APCDD1L: variants seen among roughly 807,000 people sequenced by gnomAD.
APCDD1L encodes the protein APC down-regulated 1 like.
In APCDD1L, 21 loss-of-function variants were observed where a neutral mutation model predicts 24.2. That is an observed-to-expected ratio of 0.87 (90% CI 0.61 to 1.25). The LOEUF is 1.25. APCDD1L is among the 50% of genes most tolerant of loss of function. The pLI, the probability that APCDD1L is intolerant of heterozygous loss-of-function variation, is 0.00. For missense variants in APCDD1L, 704 were observed against 711.7 expected (o/e 0.99, Z 0.12); for synonymous variants, 321 against 323.6 (o/e 0.99, Z 0.09).
chr20:58,513,453 C>T (rs75511803), intron 1 of APCDD1L, among the ~76,000 whole-genome samples: 100 of 152,190 alleles, frequency 6.6e-4, no homozygotes, highest in African/African-American at 2.3e-3. Flanking sequence ...CTTCAAACTG[C>T]GGAGGCACCC....
At chr20:58,493,011 C>A (rs535045344) in intron 1 of APCDD1L, among the ~76,000 whole-genome samples, 7 of 150,612 alleles carry the variant, frequency 4.6e-5, no homozygotes, top group Admixed American at 4.0e-4. Context: ...CATGCATACA[C>A]GTGCACTCAC....
At chr20:58,475,337 G>C (rs1989885911) in intron 1 of APCDD1L, among the ~76,000 whole-genome samples, 1 of 152,276 alleles carries the variant, frequency 6.6e-6, no homozygotes, top group South Asian at 2.1e-4. Flanking sequence ...GGCGCGAAGC[G>C]AGCACTTCGT....
chr20:58,489,650 C>T (rs1990187236), intron 1 of APCDD1L, among the ~76,000 whole-genome samples: 1 of 151,212 alleles, frequency 6.6e-6, no homozygotes, highest in Non-Finnish European at 1.5e-5. Context: ...CGCCACTGCA[C>T]TCCAGCCTGG....
chr20:58,473,520 C>T (rs968156875), intron 1 of APCDD1L, among the ~76,000 whole-genome samples: 13 of 152,174 alleles, frequency 8.5e-5, no homozygotes, highest in African/African-American at 1.9e-4. Context: ...GTTGCAAAAA[C>T]GAAATTAACC....
Position 58,494,224 on chromosome 20 carries a change from G to A in APCDD1L, c.49+20435C>T, listed in dbSNP as rs1417822069. On this transcript the variant is annotated intron_variant, in intron 1 of 3. Coordinates refer to ENST00000371149, the MANE Select transcript of APCDD1L (RefSeq NM_153360.3). The surrounding 1 kb of genome is among the most constrained non-coding windows in gnomAD (Gnocchi z 4.8). ...AAAATCTGGGGATAAGTGGACCTGG[G>A]CAGGTGAAACTCATGTGGTTTAAGG... is the stretch of plus-strand genomic sequence containing the variant. Among the ~76,000 whole-genome samples, 1 of 152,184 alleles carries A rather than the reference G, an allele frequency of 6.6e-6. No homozygotes were observed. The highest frequency in any genetic ancestry group is 1.5e-5 in the Non-Finnish European group (1 of 68,032).
chr20:58,496,833 C>T (rs1990331909), intron 1 of APCDD1L, among the ~76,000 whole-genome samples: 3 of 152,022 alleles, frequency 2.0e-5, no homozygotes, highest in African/African-American at 2.4e-5. Context: ...CGAGGGGATG[C>T]CCCTGAGGGG....
intron 1 of APCDD1L, among the ~76,000 whole-genome samples, chr20:58,479,845 C>T (rs1485053613): frequency 1.3e-5 from 2 of 152,124 alleles, no homozygotes; most frequent in African/African-American, 2.4e-5. Context: ...CTTCAGAGAC[C>T]GGCTGTGGAA....
intron 1 of APCDD1L, among the ~76,000 whole-genome samples, chr20:58,474,974 A>T (rs1282196327): frequency 6.6e-6 from 1 of 152,148 alleles, no homozygotes; most frequent in Non-Finnish European, 1.5e-5. Context: ...ATGGAATCCC[A>T]CACTCTGTGC....
At chr20:58,509,067 C>T (rs759626914) in intron 1 of APCDD1L, among the ~76,000 whole-genome samples, 1 of 152,040 alleles carries the variant, frequency 6.6e-6, no homozygotes, top group Non-Finnish European at 1.5e-5. Flanking sequence ...GGGAAGGCCT[C>T]TCAGAGAAGG....
At chr20:58,514,440 C>CGAGGT (rs1324201353) in intron 1 of APCDD1L, among the ~76,000 whole-genome samples, 3 of 152,218 alleles carry the variant, frequency 2.0e-5, no homozygotes, top group Non-Finnish European at 4.4e-5. Context: ...TCTCATATTG[C>CGAGGT]GAGGTGACGC....
At chr20:58,511,687 A>G (rs1470980644) in intron 1 of APCDD1L, among the ~76,000 whole-genome samples, 1 of 152,196 alleles carries the variant, frequency 6.6e-6, no homozygotes, top group East Asian at 1.9e-4. Context: ...TTAAGTAACT[A>G]ATACGATTAC....
chr20:58,468,524 T>TC (rs1222779099), intron 2 of APCDD1L, among the ~76,000 whole-genome samples: 2 of 152,124 alleles, frequency 1.3e-5, no homozygotes, highest in African/African-American at 4.8e-5. Context: ...GCAGGCACCC[T>TC]CCTCACGATT....
intron 1 of APCDD1L, among the ~76,000 whole-genome samples, chr20:58,498,615 C>T (rs899780922): frequency 1.3e-5 from 2 of 152,188 alleles, no homozygotes; most frequent in Admixed American, 1.3e-4. Context: ...GGAGGAGGTC[C>T]GGGAGAGTCT....
intron 1 of APCDD1L, among the ~76,000 whole-genome samples, chr20:58,492,935 CT>C (rs1225586574): frequency 4.6e-5 from 7 of 152,126 alleles, no homozygotes; most frequent in African/African-American, 1.7e-4. Flanking sequence ...TACACATGCA[CT>C]CACACACAAT....
chr20:58,479,788 G>A (rs77108923), intron 1 of APCDD1L, among the ~76,000 whole-genome samples: 1,967 of 152,210 alleles, frequency 0.013, 18 homozygotes, highest in Non-Finnish European at 0.019. Context: ...TACAAATGGA[G>A]GAGATATGCT....
Position 58,460,683 on chromosome 20 carries a change from A to G in APCDD1L, c.*107T>C. 7.4e-7 allele frequency: 1 copy of G among 1,350,476 alleles called. No homozygotes were observed. The highest frequency in any genetic ancestry group is 1.7e-5 in the South Asian group (1 of 58,544). 83.7% of individuals were successfully genotyped at this position (1,350,476 alleles called of 1,614,324 possible). A position where few individuals can be genotyped will look rare whatever the true frequency, so the allele number is the denominator to read the frequency against. Reference sequence around the variant, plus strand: ...TTGGAAGCAGTGGGGCTGTGCATCCATCCATGACAGAGCAGAGGAGAATGG... The same window carrying G: ...TTGGAAGCAGTGGGGCTGTGCATCCGTCCATGACAGAGCAGAGGAGAATGG... On this transcript the variant is annotated 3_prime_UTR_variant, in exon 4 of 4. Coordinates refer to ENST00000371149, the MANE Select transcript of APCDD1L (RefSeq NM_153360.3). This position sits in a 1 kb window ranked among gnomAD's most constrained non-coding sequence, Gnocchi z 4.2.
chr20:58,511,762 T>G (rs1412692645), intron 1 of APCDD1L, among the ~76,000 whole-genome samples: 1 of 152,210 alleles, frequency 6.6e-6, no homozygotes, highest in Non-Finnish European at 1.5e-5. Flanking sequence ...TAGTTTTTAT[T>G]CTGGGTTTCA....
rs769199357 is a variant in APCDD1L, at chr20:58,461,265, C to A, written c.1031G>T (p.Arg344Met). The stretch of plus-strand genomic sequence containing the variant: ...CACCAGCTCGGTGCCGCCGCGGACC[C>A]TGGTGGATGGCGTGCCCCTGGTGTA... ...GRYTRGTPST[R>M]VRGGTELVFE... Residue 344 changes from arginine (R) to methionine (M), a missense_variant, in exon 4 of 4, where the codon AGG becomes ATG. By Grantham distance (91) the Arg-to-Met change is moderately conservative. Coordinates refer to ENST00000371149, the MANE Select transcript of APCDD1L (RefSeq NM_153360.3). This position sits in a 1 kb window ranked among gnomAD's most constrained non-coding sequence, Gnocchi z 6.0. 2 of 1,613,306 alleles carry A rather than the reference C, an allele frequency of 1.2e-6. No homozygotes were observed. Among genetic ancestry groups the A allele is most frequent in the Non-Finnish European group, 1.7e-6 (2 of 1,179,708 alleles).
Position 58,460,795 on chromosome 20 carries a change from G to C in APCDD1L, c.1501C>G (p.Leu501Val). 6.6e-7 allele frequency: 1 copy of C among 1,522,474 alleles called. No individual in the cohort carries two copies. The highest frequency in any genetic ancestry group is 8.8e-7 in the Non-Finnish European group (1 of 1,135,466). 94.3% of individuals were successfully genotyped at this position (1,522,474 alleles called of 1,614,324 possible). Residue 501 changes from leucine (L) to valine (V), a missense_variant, in exon 4 of 4, where the codon CTA becomes GTA. Transcript: ENST00000371149. The surrounding 1 kb of genome is among the most constrained non-coding windows in gnomAD (Gnocchi z 4.2). ...LVLGLAFLHW[L>V] ...TCCTGATGTCAAGTCCAATGTCATA[G>C]CCAGTGGAGGAAGGCCAGCCCTAGA...
Sources: gnomAD v4.1 joint callset for allele counts (sites outside exome capture counted in the v4.1 genomes callset) on GRCh38, gnomAD v4.1.1 for gene constraint, Gnocchi (gnomAD v3.1) non-coding constraint, MANE v1.5 for transcripts, NCBI Gene and HGNC (gene_info 2026-07-23, HGNC 2026-07-21) for gene names.